KIAA1549: variants seen among roughly 807,000 people sequenced by gnomAD.
KIAA1549 encodes KIAA1549.
KIAA1549 carries 70 observed loss-of-function variants against 156.4 expected under a neutral mutation model. The observed-to-expected ratio is 0.45, with a 90% CI of 0.37 to 0.55. The LOEUF is 0.55. KIAA1549 is among the 20% of genes least tolerant of loss of function. The pLI is 0.00. For synonymous variants in KIAA1549, 1,103 were observed against 1,066.4 expected (o/e 1.03, Z -0.67); for missense variants, 2,428 against 2,540.9 (o/e 0.96, Z 0.96).
intron 17 of KIAA1549, among the ~76,000 whole-genome samples, chr7:138,847,633 C>T (rs541600312): frequency 3.7e-4 from 56 of 152,322 alleles, no homozygotes; most frequent in African/African-American, 1.3e-3. Context: ...CAATGCTGTA[C>T]CATCTTAATC....
At chr7:138,952,437 A>T (rs949203938) in intron 1 of KIAA1549, among the ~76,000 whole-genome samples, 1 of 152,214 alleles carries the variant, frequency 6.6e-6, no homozygotes, top group Non-Finnish European at 1.5e-5. Context: ...ACAGACAAAC[A>T]AACATGTTTT....
intron 10 of KIAA1549, among the ~76,000 whole-genome samples, chr7:138,892,648 A>G (rs1811575315): frequency 6.6e-6 from 1 of 152,262 alleles, no homozygotes; most frequent in African/African-American, 2.4e-5. Context: ...CTTGATAGCC[A>G]TAAGCTTGCA....
intron 13 of KIAA1549, among the ~76,000 whole-genome samples, chr7:138,870,520 C>A (rs1278116414): frequency 6.6e-6 from 1 of 152,116 alleles, no homozygotes; most frequent in Non-Finnish European, 1.5e-5. Context: ...GACATGAGAC[C>A]CCCTGCCCCC....
rs1809871000 is a variant in KIAA1549, at chr7:138,840,187, A to G, written c.5544T>C (p.Tyr1848=). Residue 1848 remains tyrosine, a synonymous_variant, in exon 19 of 20, where the codon TAT becomes TAC. Coordinates refer to ENST00000422774, the MANE Select transcript of KIAA1549 (RefSeq NM_001164665.2). ...VEIPPSRGSQ[Y]GGPGWPSYGE... Reference sequence around the variant, plus strand: ...CGTACGAAGGCCAGCCTGGCCCCCCATACTGGCTGCCTCTGCTTGGCGGGA... The same window carrying G: ...CGTACGAAGGCCAGCCTGGCCCCCCGTACTGGCTGCCTCTGCTTGGCGGGA... 2.6e-6 allele frequency: 4 copies of G among 1,564,490 alleles called. No homozygotes were observed. Among genetic ancestry groups the G allele is most frequent in the Non-Finnish European group, 3.5e-6 (4 of 1,154,354 alleles).
intron 1 of KIAA1549, among the ~76,000 whole-genome samples, chr7:138,950,256 G>A (rs544552091): frequency 2.3e-3 from 355 of 152,086 alleles, no homozygotes; most frequent in African/African-American, 4.7e-3. Flanking sequence ...TATTATAATC[G>A]TAAAAAATTT....
In KIAA1549 at chr7:138,833,923, T is replaced by A. The variant is rs1809623071; in HGVS notation, c.*3983A>T. ...TTCTCTTCTGAAACTCCCTCAATAG[T>A]GCAGTCGGGGATTCTGTCCCCATAT... On this transcript the variant is annotated 3_prime_UTR_variant, in exon 20 of 20. Transcript: ENST00000422774. 1 of 232,130 alleles carries A rather than the reference T, an allele frequency of 4.3e-6. No homozygotes were observed. The highest frequency in any genetic ancestry group is 1.8e-4 in the South Asian group (1 of 5,530). The allele number at this position is 232,130 out of a possible 1,614,324, so 14.4% of individuals were successfully genotyped here.
At chr7:138,956,352 C>T (rs1405979073) in intron 1 of KIAA1549, among the ~76,000 whole-genome samples, 2 of 152,186 alleles carry the variant, frequency 1.3e-5, no homozygotes, top group African/African-American at 4.8e-5. Context: ...CTTTATGAAG[C>T]AGCTTACAAA....
intron 9 of KIAA1549, among the ~76,000 whole-genome samples, chr7:138,898,426 T>A (rs1327335478): frequency 1.3e-5 from 2 of 151,124 alleles, no homozygotes; most frequent in Non-Finnish European, 2.9e-5. Flanking sequence ...TCAAAATACC[T>A]CTGTCTACAC....
intron 14 of KIAA1549, among the ~76,000 whole-genome samples, chr7:138,868,466 C>T (rs1441842985): frequency 6.6e-6 from 1 of 152,154 alleles, no homozygotes; most frequent in Non-Finnish European, 1.5e-5. Flanking sequence ...CTCATACCGT[C>T]GCCCAGGGTG....
At chr7:138,955,241 G>C (rs570527062) in intron 1 of KIAA1549, among the ~76,000 whole-genome samples, 1 of 152,344 alleles carries the variant, frequency 6.6e-6, no homozygotes, top group Admixed American at 6.5e-5. Context: ...CTCACCAACT[G>C]TCCACTGGCT....
chr7:138,932,408 A>T lies in KIAA1549; in HGVS notation c.188-12970T>A, dbSNP rs568909981. Among the ~76,000 whole-genome samples the T allele has an allele frequency of 4.6e-5, 7 of 152,180 alleles. No individual in the cohort carries two copies. The East Asian group carries it at 1.2e-3, about 25-fold the overall frequency. The stretch of plus-strand genomic sequence containing the variant: ...TGTCTGGAAAGGAACAGAAAAAAAA[A>T]ATATTTTTAAACTCTAAAGTAGAGT... On this transcript the variant is annotated intron_variant, in intron 1 of 19. Coordinates refer to ENST00000422774, the MANE Select transcript of KIAA1549 (RefSeq NM_001164665.2).
At chr7:138,847,900 T>A (rs1017767129) in intron 17 of KIAA1549, among the ~76,000 whole-genome samples, 1 of 150,262 alleles carries the variant, frequency 6.7e-6, no homozygotes, top group Non-Finnish European at 1.5e-5. Flanking sequence ...GGCTTAAAAG[T>A]CTTTGGTTAG....
At chr7:138,934,192 G>C (rs545136598) in intron 1 of KIAA1549, among the ~76,000 whole-genome samples, 1 of 152,164 alleles carries the variant, frequency 6.6e-6, no homozygotes, top group African/African-American at 2.4e-5. Context: ...GAAAGGACCA[G>C]CGAGGAGCCC....
In KIAA1549 at chr7:138,918,617, T is replaced by C. The variant is rs745823331; in HGVS notation, c.1009A>G (p.Ile337Val). The C allele has an allele frequency of 6.2e-7, 1 of 1,613,918 alleles. No homozygotes were observed. Among genetic ancestry groups the C allele is most frequent in the Non-Finnish European group, 8.5e-7 (1 of 1,179,882 alleles). ...ACAGTGGGGTATGTTCTTGGAGAGA[T>C]GGTTTCTTCTAGGCTTTGACTCAAC... is the stretch of plus-strand genomic sequence containing the variant. ...TVLSQSLEET[I>V]SPRTYPTVTA... is the part of the protein sequence containing the mutation. The change falls in exon 2 of 20, where the codon ATC (isoleucine) becomes GTC (valine). Residue 337 changes from isoleucine to valine, a missense_variant. By Grantham distance (29) the Ile-to-Val change is conservative (BLOSUM62 3). This residue lies in a region of KIAA1549 where 893 missense variants were observed against 847.9 expected (regional missense o/e 1.05). Coordinates refer to ENST00000422774, the MANE Select transcript of KIAA1549 (RefSeq NM_001164665.2). The surrounding 1 kb of genome is among the most constrained non-coding windows in gnomAD (Gnocchi z 4.2).
In KIAA1549 at chr7:138,898,805, G is replaced by A. The variant is rs114247522; in HGVS notation, c.3847+150C>T. 1.3e-3 allele frequency: 860 copies of A among 685,714 alleles called. 9 individuals are homozygous for A. The African/African-American group carries it at 0.015, about 12-fold the overall frequency. 42.5% of individuals were successfully genotyped at this position (685,714 alleles called of 1,614,324 possible). ...AGCAATTGAAATCCAAATAAAGAAG[G>A]TCTTGGTGAATGAATTTTAACAACT... On this transcript the variant is annotated intron_variant, in intron 9 of 19. Coordinates refer to ENST00000422774, the MANE Select transcript of KIAA1549 (RefSeq NM_001164665.2).
chr7:138,918,425 C>G lies in KIAA1549; in HGVS notation c.1201G>C (p.Gly401Arg). Residue 401 changes from glycine (G) to arginine (R), a missense_variant, in exon 2 of 20, where the codon GGT becomes CGT. By Grantham distance (125) the Gly-to-Arg change is moderately radical. This residue lies in a region of KIAA1549 where 893 missense variants were observed against 847.9 expected (regional missense o/e 1.05). Coordinates refer to ENST00000422774, the MANE Select transcript of KIAA1549 (RefSeq NM_001164665.2). The surrounding 1 kb of genome is among the most constrained non-coding windows in gnomAD (Gnocchi z 4.2). ...AGGATATGAGTGTTGTCCACAGGAC[C>G]GGGGAGGGCTGAATTGCTATGCAAT... is the stretch of plus-strand genomic sequence containing the variant. ...SELHSNSALP[G>R]PVDNTHILSP... 2 of 1,613,814 alleles carry G rather than the reference C, an allele frequency of 1.2e-6. No homozygotes were observed. The highest frequency in any genetic ancestry group is 1.7e-6 in the Non-Finnish European group (2 of 1,179,866).
chr7:138,852,362 A>T (rs1810260753), intron 16 of KIAA1549, 93 bp from the exon 17 acceptor site: 1 of 796,020 alleles, frequency 1.3e-6, no homozygotes, highest in South Asian at 2.0e-5. Context: ...TACAGGATCA[A>T]CTTTCAAGAG....
intron 14 of KIAA1549, among the ~76,000 whole-genome samples, chr7:138,868,762 C>T (rs750933641): frequency 7.2e-5 from 11 of 152,150 alleles, no homozygotes; most frequent in Non-Finnish European, 1.6e-4. Context: ...GTGAATGGGA[C>T]CTGAAGCCAG....
intron 9 of KIAA1549, 115 bp downstream of exon 9, chr7:138,898,840 C>T: frequency 1.2e-6 from 1 of 865,520 alleles, no homozygotes; most frequent in Admixed American, 2.5e-5. Flanking sequence ...TGGCACTTCA[C>T]CATCAGGGTT....
Sources: gnomAD v4.1 joint callset for allele counts (sites outside exome capture counted in the v4.1 genomes callset) on GRCh38, gnomAD v4.1.1 for gene constraint, gnomAD v4.1.1 regional missense constraint, Gnocchi (gnomAD v3.1) non-coding constraint, MANE v1.5 for transcripts, NCBI Gene and HGNC (gene_info 2026-07-23, HGNC 2026-07-21) for gene names.